DAB1: variants seen among roughly 807,000 people sequenced by gnomAD.
DAB1 encodes DAB adaptor protein 1.
DAB1 carries 15 observed loss-of-function variants against 64.6 expected under a neutral mutation model. That is an observed-to-expected ratio of 0.23 (90% CI 0.16 to 0.36). DAB1 has a LOEUF of 0.36. Among genes scored for constraint, DAB1 ranks in the 10% least tolerant of loss-of-function variants. DAB1 has a pLI of 1.00. For missense variants in DAB1, 596 were observed against 706.7 expected (o/e 0.84, Z 1.78); for synonymous variants, 235 against 251.9 (o/e 0.93, Z 0.64).
At position 57,207,446 on chromosome 1, in the gene DAB1, C is replaced by CTTTTTTTTTTTTTTTTTTTTT. The variant is rs772989513; in HGVS notation, c.68-62018_68-62017insAAAAAAAAAAAAAAAAAAAAA. 2.0e-3 allele frequency among the ~76,000 whole-genome samples: 201 copies of CTTTTTTTTTTTTTTTTTTTTT among 98,406 alleles called. 22 individuals are homozygous for CTTTTTTTTTTTTTTTTTTTTT. Among genetic ancestry groups the CTTTTTTTTTTTTTTTTTTTTT allele is most frequent in the African/African-American group, 3.3e-3 (92 of 27,912 alleles). The allele number at this position is 98,406 out of a possible 152,430, so 64.6% of individuals were successfully genotyped here. On this transcript the variant is annotated intron_variant, in intron 2 of 14. Transcript: ENST00000371236. ...CTGTAATTCATACCTTATTTCCTTT[C>CTTTTTTTTTTTTTTTTTTTTT]TTTTTTTTTTTTTTTGAGATGGAGT...
At chr1:57,330,136 A>G (rs989946375) in intron 1 of DAB1, among the ~76,000 whole-genome samples, 1 of 152,198 alleles carries the variant, frequency 6.6e-6, no homozygotes, top group African/African-American at 2.4e-5. Context: ...ATCTTCCTTC[A>G]CTTAAGCAAC....
At chr1:57,790,270 G>T (rs141900579) in intron 6 of DAB1, among the ~76,000 whole-genome samples, 2 of 152,236 alleles carry the variant, frequency 1.3e-5, no homozygotes, top group East Asian at 3.9e-4. Context: ...TCATGATAGC[G>T]AGGGAGTTCT....
chr1:57,877,553 T>TACAAAAG (rs1557532055), intron 1 of DAB1, among the ~76,000 whole-genome samples: 1 of 55,238 alleles, frequency 1.8e-5, no homozygotes. Flanking sequence ...TTATTTTTTT[T>TACAAAAG]TTTTTTTTTT....
chr1:58,021,270 A>G (rs1646811430), intron 5 of DAB1, among the ~76,000 whole-genome samples: 1 of 152,230 alleles, frequency 6.6e-6, no homozygotes, highest in Admixed American at 6.5e-5. Flanking sequence ...AAAGCTGAGC[A>G]TGTGCGTATG....
chr1:57,907,800 G>A (rs1024384597), intron 5 of DAB1, among the ~76,000 whole-genome samples: 6 of 151,586 alleles, frequency 4.0e-5, no homozygotes, highest in Non-Finnish European at 5.9e-5. Context: ...TGAGAAATGC[G>A]TTGTAGGTGA....
At chr1:57,925,286 A>G (rs537066512) in intron 5 of DAB1, among the ~76,000 whole-genome samples, 18 of 152,334 alleles carry the variant, frequency 1.2e-4, no homozygotes, top group African/African-American at 4.1e-4. Flanking sequence ...ACAGAGAAAA[A>G]GCCTTGGCCT....
intron 7 of DAB1, among the ~76,000 whole-genome samples, chr1:57,455,717 C>T (rs985175411): frequency 2.6e-5 from 4 of 152,046 alleles, no homozygotes; most frequent in Admixed American, 2.6e-4. Context: ...GAAGGCAGGG[C>T]CCTAGACTCC....
At chr1:57,378,524 T>G (rs1010467803) in intron 1 of DAB1, among the ~76,000 whole-genome samples, 2 of 152,186 alleles carry the variant, frequency 1.3e-5, no homozygotes, top group Non-Finnish European at 2.9e-5. Flanking sequence ...CATGAGGTAT[T>G]GGGTATTAGG....
intron 6 of DAB1, among the ~76,000 whole-genome samples, chr1:57,812,330 AAAAAAAAAGAAAGAAAGAAAG>A (rs1190640598): frequency 1.3e-5 from 2 of 151,178 alleles, no homozygotes; most frequent in Non-Finnish European, 2.9e-5. Flanking sequence ...AAAAAAAAAA[AAAAAAAAAGAAAGAAAGAAAG>A]AAAAGAAAGA....
chr1:57,010,458 G>A (rs1646229329), intron 14 of DAB1, among the ~76,000 whole-genome samples: 1 of 152,148 alleles, frequency 6.6e-6, no homozygotes, highest in South Asian at 2.1e-4. Context: ...ACCAGGCAAA[G>A]GGACATGGTG....
intron 4 of DAB1, among the ~76,000 whole-genome samples, chr1:58,291,785 GA>G (rs1661845513): frequency 6.6e-6 from 1 of 152,160 alleles, no homozygotes; most frequent in South Asian, 2.1e-4. Context: ...CACATAGCTA[GA>G]AAATGCAAGA....
intron 5 of DAB1, among the ~76,000 whole-genome samples, chr1:57,955,936 TA>T (rs1408245446): frequency 6.6e-6 from 1 of 152,180 alleles, no homozygotes; most frequent in Non-Finnish European, 1.5e-5. Context: ...TGGTGGGTAG[TA>T]AAATGCCAAG....
chr1:58,458,242 A>G (rs1021639866), intron 3 of DAB1, among the ~76,000 whole-genome samples: 1 of 152,238 alleles, frequency 6.6e-6, no homozygotes, highest in African/African-American at 2.4e-5. Context: ...GCCATATCAG[A>G]CCGACAGAAC....
chr1:57,574,793 C>G (rs1039490290), intron 7 of DAB1, among the ~76,000 whole-genome samples: 1 of 152,148 alleles, frequency 6.6e-6, no homozygotes, highest in Non-Finnish European at 1.5e-5. Flanking sequence ...TGGCTTGGCT[C>G]AAGAACTGGG....
intron 14 of DAB1, among the ~76,000 whole-genome samples, chr1:57,005,521 A>G (rs571702474): frequency 6.6e-6 from 1 of 152,140 alleles, no homozygotes; most frequent in East Asian, 1.9e-4. Context: ...TTATTTGGGG[A>G]TTGGTTCCAT....
At chr1:57,713,246 G>T (rs1050847282) in intron 6 of DAB1, among the ~76,000 whole-genome samples, 1 of 152,128 alleles carries the variant, frequency 6.6e-6, no homozygotes, top group Non-Finnish European at 1.5e-5. Context: ...CAAGAACCAT[G>T]CCCAGTAGGC....
At chr1:57,192,860 AC>A (rs1664261723) in intron 2 of DAB1, among the ~76,000 whole-genome samples, 1 of 152,148 alleles carries the variant, frequency 6.6e-6, no homozygotes. Context: ...TTCTTAGTAT[AC>A]TCATAAGGTT....
intron 5 of DAB1, among the ~76,000 whole-genome samples, chr1:57,922,845 C>CAAAAAAAAAAAAAAAGAA (rs1644828255): frequency 2.2e-5 from 1 of 45,010 alleles, no homozygotes; most frequent in African/African-American, 1.1e-4. Flanking sequence ...GACTCCATCT[C>CAAAAAAAAAAAAAAAGAA]AAAAAAAAAA....
At chr1:57,702,440 G>C (rs145389039) in intron 6 of DAB1, among the ~76,000 whole-genome samples, 1 of 152,186 alleles carries the variant, frequency 6.6e-6, no homozygotes, top group African/African-American at 2.4e-5. Flanking sequence ...TGCTCCTCCA[G>C]GATGCCATTT....
Sources: allele counts gnomAD v4.1 joint callset (sites outside exome capture counted in the v4.1 genomes callset), GRCh38; gene constraint gnomAD v4.1.1; transcripts MANE v1.5; gene names NCBI Gene and HGNC (gene_info 2026-07-23, HGNC 2026-07-21).